RGSL1: variants seen among roughly 807,000 people sequenced by gnomAD.
The protein encoded by RGSL1 is regulator of G protein signaling like 1.
In RGSL1, 97 loss-of-function variants were observed where a neutral mutation model predicts 124.7. That is an observed-to-expected ratio of 0.78 (90% CI 0.66 to 0.92). The LOEUF (loss-of-function observed/expected upper bound fraction) is 0.92, where lower values mean the gene tolerates loss of function less well. Ranked by LOEUF, RGSL1 falls within the 40% of genes least tolerant of loss-of-function variation. The probability of loss-of-function intolerance (pLI) is 0.00; values close to 1 mark genes in which losing one functional copy is unlikely to be tolerated. For synonymous variants in RGSL1, 424 were observed against 438.1 expected, an observed-to-expected ratio of 0.97 and a Z score of 0.40; for missense variants, 1,233 against 1,288.4, an observed-to-expected ratio of 0.96 and a Z score of 0.66.
intron 9 of RGSL1, among the ~76,000 whole-genome samples, chr1:182,506,717 T>C (rs764595783): frequency 9.2e-5 from 14 of 152,218 alleles, no homozygotes; most frequent in Non-Finnish European, 1.9e-4. Context: ...TGATTACTTA[T>C]ACATTGGGTT....
intron 15 of RGSL1, among the ~76,000 whole-genome samples, chr1:182,542,533 C>T (rs1256101414): frequency 6.6e-6 from 1 of 151,970 alleles, no homozygotes; most frequent in Non-Finnish European, 1.5e-5. Flanking sequence ...GTCAGGATTG[C>T]TTTGACTATT....
chr1:182,509,703 G>A (rs1323219048), intron 9 of RGSL1, among the ~76,000 whole-genome samples: 8 of 140,498 alleles, frequency 5.7e-5, no homozygotes, highest in East Asian at 2.3e-4. Flanking sequence ...CGGCACGGCT[G>A]GCCGGGCGGG....
chr1:182,539,773 C>T (rs1359876049), intron 14 of RGSL1, among the ~76,000 whole-genome samples: 2 of 152,190 alleles, frequency 1.3e-5, no homozygotes, highest in Non-Finnish European at 2.9e-5. Context: ...ACTCGTTAGT[C>T]TCTTCTGTAC....
At chr1:182,498,911 G>T (rs1219649724) in intron 9 of RGSL1, among the ~76,000 whole-genome samples, 2 of 151,758 alleles carry the variant, frequency 1.3e-5, no homozygotes, top group Non-Finnish European at 2.9e-5. Flanking sequence ...TCCTGCCTCA[G>T]CCTCCTGAAG....
rs150528217 is a variant in RGSL1 at position 182,536,247 on chromosome 1, C to T, written c.2494+3456C>T. ...TCACTTTGGGGCTGTTATGAATTAC[C>T]CTGCTATGAATATTCAAGCAGAAGT... is the stretch of plus-strand genomic sequence containing the variant. On this transcript the variant is annotated intron_variant, in intron 14 of 21. Coordinates refer to ENST00000294854, the MANE Select transcript of RGSL1 (RefSeq NM_001137669.2). 2.2e-4 allele frequency among the ~76,000 whole-genome samples: 34 copies of T among 152,002 alleles called. No individual in the cohort carries two copies. In the East Asian group the frequency reaches 6.4e-3, roughly 29 times the overall value.
At chr1:182,555,770 G>A (rs550285163) in intron 20 of RGSL1, 51 of 467,336 alleles carry the variant, frequency 1.1e-4, no homozygotes, top group South Asian at 1.4e-4. Context: ...TTATTTGCCC[G>A]TCCCAGTGCC....
At chr1:182,473,108 A>G (rs1019852396) in intron 5 of RGSL1, among the ~76,000 whole-genome samples, 1 of 152,200 alleles carries the variant, frequency 6.6e-6, no homozygotes, top group Non-Finnish European at 1.5e-5. Flanking sequence ...TAACTCAAAT[A>G]CAAATGTGCT....
At chr1:182,538,962 A>T (rs1659720271) in intron 14 of RGSL1, among the ~76,000 whole-genome samples, 1 of 152,238 alleles carries the variant, frequency 6.6e-6, no homozygotes, top group South Asian at 2.1e-4. Flanking sequence ...GACTAATTGG[A>T]TGTGGAAAGA....
intron 18 of RGSL1, among the ~76,000 whole-genome samples, chr1:182,551,505 C>T (rs1355662585): frequency 1.3e-5 from 2 of 152,182 alleles, no homozygotes; most frequent in African/African-American, 2.4e-5. Flanking sequence ...TTTTCTGCTG[C>T]TTAAGAAGCC....
chr1:182,481,210 TA>T (rs35316596), intron 6 of RGSL1, among the ~76,000 whole-genome samples: 25,933 of 151,336 alleles, frequency 0.17, 2,534 homozygotes, highest in East Asian at 0.38. Context: ...TAGCTAGGCT[TA>T]AAAAAAAGAG....
At chr1:182,488,534 G>A (rs1655266121) in intron 7 of RGSL1, 187 bp downstream of exon 7, 1 of 595,076 alleles carries the variant, frequency 1.7e-6, no homozygotes, top group African/African-American at 1.9e-5. Flanking sequence ...CAGTGCATAA[G>A]ATGACTTTGG....
At chr1:182,520,157 G>A (rs1256504460) in intron 9 of RGSL1, among the ~76,000 whole-genome samples, 1 of 152,150 alleles carries the variant, frequency 6.6e-6, no homozygotes, top group African/African-American at 2.4e-5. Context: ...TTCCTCCAGA[G>A]AAGATTTTTA....
At chr1:182,463,178 C>T (rs1652988192) in intron 4 of RGSL1, among the ~76,000 whole-genome samples, 1 of 151,572 alleles carries the variant, frequency 6.6e-6, no homozygotes, top group African/African-American at 2.4e-5. Flanking sequence ...CCTGTAGTCC[C>T]ACCTACTTGG....
At chr1:182,478,897 C>T (rs1654489032) in intron 6 of RGSL1, among the ~76,000 whole-genome samples, 1 of 152,122 alleles carries the variant, frequency 6.6e-6, no homozygotes, top group Admixed American at 6.5e-5. Context: ...GATTTCTCAA[C>T]AGAAACCTTG....
At chr1:182,550,601 CTG>C (rs1660495897) in intron 17 of RGSL1, 1 of 154,188 alleles carries the variant, frequency 6.5e-6, no homozygotes. Context: ...GTACATAAAT[CTG>C]AGTTCACAAG....
At chr1:182,486,332 A>G (rs1347710614) in intron 6 of RGSL1, among the ~76,000 whole-genome samples, 1 of 145,662 alleles carries the variant, frequency 6.9e-6, no homozygotes, top group Non-Finnish European at 1.5e-5. Flanking sequence ...TTTTTTTGAG[A>G]AAAAGTCTCC....
chr1:182,552,732 C>T lies in RGSL1; in HGVS notation c.3044-723C>T, dbSNP rs115612445. 6.5e-3 allele frequency among the ~76,000 whole-genome samples: 994 copies of T among 152,308 alleles called. 3 individuals are homozygous for T. The highest frequency in any genetic ancestry group is 0.023 in the African/African-American group (948 of 41,560). On this transcript the variant is annotated intron_variant, in intron 18 of 21. Coordinates refer to ENST00000294854, the MANE Select transcript of RGSL1 (RefSeq NM_001137669.2). ...GACGGGGAAGTCCAAGAGCATGACACTAACATCTGGCAAAGGGCTTTACGC... is the reference window on the plus strand; with the variant it reads ...GACGGGGAAGTCCAAGAGCATGACATTAACATCTGGCAAAGGGCTTTACGC...
intron 1 of RGSL1, among the ~76,000 whole-genome samples, 193 bp from the exon 2 acceptor site, chr1:182,453,765 G>A (rs936415635): frequency 6.6e-6 from 1 of 152,178 alleles, no homozygotes; most frequent in Non-Finnish European, 1.5e-5. Flanking sequence ...CCACAGCTGG[G>A]AGTGTTTAAG....
At chr1:182,527,860 C>A in intron 11 of RGSL1, 88 bp downstream of exon 11, 1 of 1,136,916 alleles carries the variant, frequency 8.8e-7, no homozygotes, top group South Asian at 1.6e-5. Flanking sequence ...ATGTGAGCCC[C>A]CAGAGAGAGC....
Sources: allele counts gnomAD v4.1 joint callset (sites outside exome capture counted in the v4.1 genomes callset), GRCh38; gene constraint gnomAD v4.1.1; transcripts MANE v1.5; gene names NCBI Gene and HGNC (gene_info 2026-07-23, HGNC 2026-07-21).